Variants in DISC1 observed in about 807,000 individuals in gnomAD.
DISC1 encodes DISC1 scaffold protein.
A neutral mutation model predicts 84.5 loss-of-function variants in DISC1; 57 were observed. The observed-to-expected ratio is 0.67, with a 90% CI of 0.55 to 0.84. The LOEUF is 0.84. Among genes scored for constraint, DISC1 ranks in the 40% least tolerant of loss-of-function variants. The pLI, the probability that DISC1 is intolerant of heterozygous loss-of-function variation, is 0.00. For missense variants in DISC1, 1,000 were observed against 1,057.8 expected, an observed-to-expected ratio of 0.95 and a Z score of 0.76; for synonymous variants, 411 against 415.2, an observed-to-expected ratio of 0.99 and a Z score of 0.12.
At chr1:231,914,269 G>A (rs1266348125) in intron 9 of DISC1, among the ~76,000 whole-genome samples, 1 of 152,258 alleles carries the variant, frequency 6.6e-6, no homozygotes, top group Non-Finnish European at 1.5e-5. Context: ...AGCTCAACCA[G>A]TAGCTCACAC....
intron 11 of DISC1, among the ~76,000 whole-genome samples, chr1:232,025,900 T>A (rs1304426774): frequency 6.6e-6 from 1 of 152,180 alleles, no homozygotes; most frequent in East Asian, 1.9e-4. Flanking sequence ...AGCTCCCATG[T>A]ATGGTGGTGG....
At position 231,968,861 on chromosome 1, in the gene DISC1, T is replaced by C. The variant is rs144992914; in HGVS notation, c.2042+9973T>C. On this transcript the variant is annotated intron_variant, in intron 10 of 12. Coordinates refer to ENST00000439617, the MANE Select transcript of DISC1 (RefSeq NM_018662.3). ...TTCAAGGGTGGCCATTTCTGAGCTG[T>C]GGGCCTTTACCAGGTTAATGCAGCT... 3.1e-3 allele frequency among the ~76,000 whole-genome samples: 471 copies of C among 152,248 alleles called. 2 individuals are homozygous for C. The highest frequency in any genetic ancestry group is 0.011 in the African/African-American group (437 of 41,550).
chr1:231,987,722 A>G (rs772290156), intron 10 of DISC1, among the ~76,000 whole-genome samples: 1 of 152,196 alleles, frequency 6.6e-6, no homozygotes, highest in Non-Finnish European at 1.5e-5. Context: ...GGTATTAGCA[A>G]TGAGCTGGTC....
chr1:231,643,022 G>C (rs1558228540), intron 1 of DISC1, among the ~76,000 whole-genome samples: 2 of 152,168 alleles, frequency 1.3e-5, no homozygotes, highest in Non-Finnish European at 2.9e-5. Context: ...AACCTTGCCG[G>C]CTCTGTAAAT....
chr1:231,890,114 G>T (rs141201572), intron 9 of DISC1, among the ~76,000 whole-genome samples: 1 of 152,166 alleles, frequency 6.6e-6, no homozygotes, highest in Non-Finnish European at 1.5e-5. Context: ...TGCTAAAAAT[G>T]TTATTTCCTC....
intron 6 of DISC1, among the ~76,000 whole-genome samples, chr1:231,777,855 C>A (rs1243935143): frequency 2.6e-5 from 4 of 152,106 alleles, no homozygotes; most frequent in Non-Finnish European, 5.9e-5. Context: ...GTTTTTATGC[C>A]CATTTTGCAG....
chr1:231,878,109 A>C (rs993783032), intron 9 of DISC1, among the ~76,000 whole-genome samples: 6 of 152,250 alleles, frequency 3.9e-5, no homozygotes, highest in Non-Finnish European at 8.8e-5. Flanking sequence ...ATTAATATTT[A>C]TTAAGCATAT....
At chr1:231,718,091 TTATCTCTTAAG>T (rs1269733123) in intron 3 of DISC1, among the ~76,000 whole-genome samples, 1 of 152,136 alleles carries the variant, frequency 6.6e-6, no homozygotes, top group African/African-American at 2.4e-5. Context: ...CTTTTCGATT[TTATCTCTTAAG>T]TATCTCTTCC....
At chr1:232,008,723 G>T in intron 10 of DISC1, 62 bp from the exon 11 acceptor site, 1 of 1,504,096 alleles carries the variant, frequency 6.6e-7, no homozygotes, top group South Asian at 1.4e-5. Flanking sequence ...ACAAGCTATC[G>T]ACTTGGTATG....
At chr1:231,790,898 A>G (rs940875281) in intron 6 of DISC1, among the ~76,000 whole-genome samples, 1 of 152,130 alleles carries the variant, frequency 6.6e-6, no homozygotes, top group Non-Finnish European at 1.5e-5. Flanking sequence ...TTTATTACCT[A>G]TTGAAAAGCC....
chr1:231,723,054 G>T, intron 3 of DISC1: 1 of 1,042,530 alleles, frequency 9.6e-7, no homozygotes, highest in Non-Finnish European at 1.2e-6. Flanking sequence ...TACTACAGTT[G>T]TCCCTTGATA....
chr1:231,893,230 T>C (rs974300472), intron 9 of DISC1, among the ~76,000 whole-genome samples: 1 of 151,998 alleles, frequency 6.6e-6, no homozygotes, highest in African/African-American at 2.4e-5. Context: ...AGAGGGTACA[T>C]TGTGAGAAGT....
intron 3 of DISC1, chr1:231,721,096 T>C (rs2069616743): frequency 2.3e-6 from 3 of 1,289,622 alleles, no homozygotes; most frequent in Admixed American, 2.3e-5. Context: ...TGAGAAATGA[T>C]GTCCTCATCT....
At chr1:231,700,641 G>A (rs115679612) in intron 2 of DISC1, among the ~76,000 whole-genome samples, 2,863 of 152,272 alleles carry the variant, frequency 0.019, 32 homozygotes, top group Non-Finnish European at 0.029. Context: ...TTCAAGGGCC[G>A]ACTGTATTAT....
chr1:231,743,811 G>A (rs1455318276), intron 3 of DISC1, among the ~76,000 whole-genome samples: 1 of 152,186 alleles, frequency 6.6e-6, no homozygotes, highest in Non-Finnish European at 1.5e-5. Flanking sequence ...GTTGGTAAAT[G>A]CTTAGTTTCC....
chr1:231,798,130 C>CACACACACACAT (rs1269185858), intron 7 of DISC1, among the ~76,000 whole-genome samples: 1 of 151,360 alleles, frequency 6.6e-6, no homozygotes, highest in Non-Finnish European at 1.5e-5. Flanking sequence ...CACACACACA[C>CACACACACACAT]ACACATACAC....
chr1:231,873,104 C>T (rs139060357), intron 9 of DISC1, among the ~76,000 whole-genome samples: 2 of 152,330 alleles, frequency 1.3e-5, no homozygotes, highest in East Asian at 3.9e-4. Context: ...GCCTTCACCT[C>T]CAGGGCCTAA....
At chr1:231,869,417 T>A (rs2085296954) in intron 9 of DISC1, among the ~76,000 whole-genome samples, 1 of 152,140 alleles carries the variant, frequency 6.6e-6, no homozygotes, top group African/African-American at 2.4e-5. Context: ...TTCCACTTAA[T>A]GAATAGCGTC....
intron 1 of DISC1, among the ~76,000 whole-genome samples, chr1:231,650,424 A>T (rs1194087718): frequency 1.3e-5 from 2 of 152,206 alleles, no homozygotes; most frequent in Non-Finnish European, 2.9e-5. Flanking sequence ...GTTTCTGCTG[A>T]GATATCCACT....
Sources: gnomAD v4.1 joint callset for allele counts (sites outside exome capture counted in the v4.1 genomes callset) on GRCh38, gnomAD v4.1.1 for gene constraint, MANE v1.5 for transcripts, NCBI Gene and HGNC (gene_info 2026-07-23, HGNC 2026-07-21) for gene names.